METTL23: variants seen among roughly 807,000 people sequenced by gnomAD.
The protein encoded by METTL23 is methyltransferase 23, arginine.
In METTL23, 24 loss-of-function variants were observed where a neutral mutation model predicts 21.2. The ratio of observed to expected loss-of-function variants is 1.13; its 90% CI spans 0.82 to 1.59. The LOEUF is 1.59. Among genes scored for constraint, METTL23 ranks in the 40% most tolerant of loss-of-function variants. METTL23 has a pLI of 0.00. For missense variants in METTL23, 276 were observed against 221.4 expected (o/e 1.25, Z -1.57); for synonymous variants, 97 against 75.2 (o/e 1.29, Z -1.50).
upstream of METTL23, chr17:76,726,558 G>A: frequency 1.3e-6 from 2 of 1,484,506 alleles, no homozygotes; most frequent in South Asian, 1.3e-5. Flanking sequence ...CGGCCTGGGC[G>A]GCGGCGACGG....
Position 76,733,283 on chromosome 17 carries a change from T to C in METTL23, c.323-10T>C, listed in dbSNP as rs1198341435. 1.2e-6 allele frequency: 2 copies of C among 1,613,860 alleles called. No individual in the cohort carries two copies. Among genetic ancestry groups the C allele is most frequent in the Non-Finnish European group, 1.7e-6 (2 of 1,179,760 alleles). ...ATATGAAAATCTATTCATAAATCCT[T>C]TCTCCTCAGATTTTGAAGACATTTT... On this transcript the variant is annotated splice_polypyrimidine_tract_variant and intron_variant, in intron 3 of 4. Transcript: ENST00000341249.
At chr17:76,726,816 C>T (rs949092838), upstream of METTL23, 36 of 397,278 alleles carry the variant, frequency 9.1e-5, no homozygotes, top group Non-Finnish European at 1.5e-4. Flanking sequence ...CCCCTCCCCT[C>T]CCGCGCTGCC....
In METTL23 at chr17:76,728,855, G is replaced by A. The variant is rs559329787; in HGVS notation, c.-21-835G>A. On this transcript the variant is annotated intron_variant, in intron 1 of 4. Transcript: ENST00000341249. Reference sequence around the variant, plus strand: ...GTCGCCCAGGCTGGAGTGCAGTCGCGAGATCTCTGCTCACTGCAAGCTCTG... The same window carrying A: ...GTCGCCCAGGCTGGAGTGCAGTCGCAAGATCTCTGCTCACTGCAAGCTCTG... Among the ~76,000 whole-genome samples the A allele has an allele frequency of 4.9e-5, 7 of 142,902 alleles. 1 individual carries two copies. The South Asian group carries it at 1.4e-3, about 28-fold the overall frequency. The allele number at this position is 142,902 out of a possible 152,430, so 93.7% of individuals were successfully genotyped here.
chr17:76,727,104 G>A lies in METTL23; in HGVS notation c.-96G>A, dbSNP rs1261916820. The A allele has an allele frequency of 2.2e-6, 1 of 454,018 alleles. No individual in the cohort carries two copies. Among genetic ancestry groups the A allele is most frequent in the Admixed American group, 2.4e-5 (1 of 42,488 alleles). 28.1% of individuals were successfully genotyped at this position (454,018 alleles called of 1,614,324 possible). A position where few individuals can be genotyped will look rare whatever the true frequency, so the allele number is the denominator to read the frequency against. On this transcript the variant is annotated 5_prime_UTR_variant, in exon 1 of 5. Transcript: ENST00000341249. ...CGATTTCCGAGGACAGGGGGTCCGG[G>A]CCCAGCGCTTTCGATTCTCGGAGGA... is the stretch of plus-strand genomic sequence containing the variant.
At position 76,726,958 on chromosome 17, in the gene METTL23, T is replaced by A. The variant is rs1418962916; in HGVS notation, c.-242T>A. 1 of 456,768 alleles carries A rather than the reference T, an allele frequency of 2.2e-6. No individual in the cohort carries two copies. Among genetic ancestry groups the A allele is most frequent in the Non-Finnish European group, 4.4e-6 (1 of 226,998 alleles). The allele number at this position is 456,768 out of a possible 1,614,324, so 28.3% of individuals were successfully genotyped here. A position where few individuals can be genotyped will look rare whatever the true frequency, so the allele number is the denominator to read the frequency against. On this transcript the variant is annotated 5_prime_UTR_variant, in exon 1 of 5. Coordinates refer to ENST00000341249, the MANE Select transcript of METTL23 (RefSeq NM_001080510.5). ...TATCACCAGATCTGGGCTTTCCCCT[T>A]CTTGCCGTCAGGTGCTACGGCCACG...
At chr17:76,732,707 T>C (rs922615419) in intron 2 of METTL23, 26 of 494,492 alleles carry the variant, frequency 5.3e-5, no homozygotes, top group Admixed American at 1.3e-4. Flanking sequence ...TACTTCTGTG[T>C]GCATAGCAAT....
chr17:76,729,974 T>C (rs1448636180), intron 2 of METTL23, among the ~76,000 whole-genome samples, 180 bp downstream of exon 2: 1 of 152,246 alleles, frequency 6.6e-6, no homozygotes, highest in African/African-American at 2.4e-5. Context: ...ACAGAGATTA[T>C]CCTGGAACTT....
At chr17:76,729,956 C>T (rs754501677) in intron 2 of METTL23, among the ~76,000 whole-genome samples, 162 bp downstream of exon 2, 1 of 152,128 alleles carries the variant, frequency 6.6e-6, no homozygotes, top group African/African-American at 2.4e-5. Context: ...TTGTTTTTGT[C>T]TTAAGGTACA....
At chr17:76,727,307 C>T (rs2076985051) in intron 1 of METTL23, 129 bp downstream of exon 1, 4 of 337,434 alleles carry the variant, frequency 1.2e-5, no homozygotes, top group South Asian at 2.2e-5. Context: ...GGTTGACCCC[C>T]GGAGCAAAAA....
intron 2 of METTL23, among the ~76,000 whole-genome samples, chr17:76,731,395 C>G (rs1230068570): frequency 2.6e-5 from 4 of 152,222 alleles, no homozygotes; most frequent in Non-Finnish European, 5.9e-5. Context: ...CCTCTGTGTT[C>G]TTAAGTGTCT....
chr17:76,729,508 AAC>A (rs2077106232), intron 1 of METTL23, among the ~76,000 whole-genome samples, 180 bp from the exon 2 acceptor site: 1 of 152,228 alleles, frequency 6.6e-6, no homozygotes, highest in African/African-American at 2.4e-5. Flanking sequence ...TTGTTGAATA[AAC>A]AGTGCTATCA....
chr17:76,726,787 ACCGCC>A (rs541914921), upstream of METTL23: 6,053 of 399,542 alleles, frequency 0.015, 230 homozygotes, highest in African/African-American at 0.092. Flanking sequence ...CGGCTGCGTC[ACCGCC>A]CCGCCCCGCC....
In METTL23 at chr17:76,726,937, A is replaced by G. The variant is rs2076962593; in HGVS notation, c.-263A>G. On this transcript the variant is annotated 5_prime_UTR_variant, in exon 1 of 5. Coordinates refer to ENST00000341249, the MANE Select transcript of METTL23 (RefSeq NM_001080510.5). ...TCGCTCGCAGCGCGGCAGGGTTATC[A>G]CCAGATCTGGGCTTTCCCCTTCTTG... 2.2e-6 allele frequency: 1 copy of G among 456,474 alleles called. No individual in the cohort carries two copies. The highest frequency in any genetic ancestry group is 2.4e-5 in the Admixed American group (1 of 42,542). The allele number at this position is 456,474 out of a possible 1,614,324, so 28.3% of individuals were successfully genotyped here.
intron 2 of METTL23, among the ~76,000 whole-genome samples, chr17:76,730,867 G>A (rs2077174694): frequency 6.6e-6 from 1 of 152,140 alleles, no homozygotes; most frequent in African/African-American, 2.4e-5. Flanking sequence ...ACTTTGGGAG[G>A]CTGAGGCGGG....
rs759428120 is a variant in METTL23, at chr17:76,733,031, A to G, written c.138A>G (p.Glu46=). The G allele has an allele frequency of 1.3e-6, 2 of 1,598,906 alleles. No homozygotes were observed. The highest frequency in any genetic ancestry group is 1.7e-6 in the Non-Finnish European group (2 of 1,171,968). The change falls in exon 3 of 5, where the codon GAA becomes GAG. Residue 46 remains glutamate (E), a synonymous_variant. Transcript: ENST00000341249. ...PGILAAKCGA[E]VILSDSSELP... ...TTTTGGCTGCCAAATGTGGTGCAGAAGTAATACTGTCAGACAGCTCAGAAC... is the reference window on the plus strand; with the variant it reads ...TTTTGGCTGCCAAATGTGGTGCAGAGGTAATACTGTCAGACAGCTCAGAAC...
At chr17:76,726,320 C>A (rs1316606671), upstream of METTL23, 1 of 1,543,828 alleles carries the variant, frequency 6.5e-7, no homozygotes, top group East Asian at 2.6e-5. Flanking sequence ...GATGCCCGGC[C>A]TGGCCACCCC....
intron 1 of METTL23, 197 bp downstream of exon 1, chr17:76,727,375 C>G: frequency 3.1e-6 from 1 of 320,934 alleles, no homozygotes; most frequent in South Asian, 2.5e-5. Context: ...TTTTGGAGAC[C>G]CTGCCAAGAA....
chr17:76,729,642 A>C (rs1043310283), intron 1 of METTL23, 48 bp from the exon 2 acceptor site: 1 of 1,314,774 alleles, frequency 7.6e-7, no homozygotes, highest in Admixed American at 2.0e-5. Context: ...AATGATTCCA[A>C]CTTCCAGCAG....
chr17:76,726,375 C>T, upstream of METTL23: 1 of 1,600,590 alleles, frequency 6.2e-7, no homozygotes, highest in Non-Finnish European at 8.5e-7. Flanking sequence ...CAGCGAGAAG[C>T]TCTCGTAGTA....
Sources: allele counts gnomAD v4.1 joint callset (sites outside exome capture counted in the v4.1 genomes callset), GRCh38; gene constraint gnomAD v4.1.1; transcripts MANE v1.5; gene names NCBI Gene and HGNC (gene_info 2026-07-23, HGNC 2026-07-21).